The following GPD2 variants were observed in gnomAD, a reference collection of about 807,000 sequenced individuals.
GPD2 encodes glycerol-3-phosphate dehydrogenase, mitochondrial.
GPD2 carries 54 observed loss-of-function variants against 82.4 expected under a neutral mutation model. The observed-to-expected ratio is 0.66, with a 90% CI of 0.53 to 0.82. The LOEUF is 0.82. GPD2 is among the 40% of genes least tolerant of loss of function. The pLI, the probability that GPD2 is intolerant of heterozygous loss-of-function variation, is 0.00. For synonymous variants in GPD2, 288 were observed against 306.1 expected, an observed-to-expected ratio of 0.94 and a Z score of 0.62; for missense variants, 748 against 896.2, an observed-to-expected ratio of 0.83 and a Z score of 2.11.
chr2:156,546,718 G>A (rs1007788111), intron 6 of GPD2, among the ~76,000 whole-genome samples: 2 of 152,146 alleles, frequency 1.3e-5, no homozygotes, highest in African/African-American at 4.8e-5. Flanking sequence ...TCTGGGATAA[G>A]TCCCGAGGGA....
chr2:156,582,143 G>A (rs1574025988), intron 16 of GPD2, among the ~76,000 whole-genome samples: 3 of 152,036 alleles, frequency 2.0e-5, no homozygotes, highest in Admixed American at 2.0e-4. Context: ...GCTCATAATT[G>A]CAAAGTGCCT....
In GPD2 at chr2:156,451,442, G is replaced by C. The variant is rs1441649900; in HGVS notation, c.-9+14929G>C. On this transcript the variant is annotated intron_variant, in intron 1 of 16. Coordinates refer to ENST00000438166, the MANE Select transcript of GPD2 (RefSeq NM_000408.5). ...GGGCTGACCCCCCCACCTCCCTCCC[G>C]GACGGGGCGGCTGGCCGGGCGGGGG... is the stretch of plus-strand genomic sequence containing the variant. Among the ~76,000 whole-genome samples, 9 of 117,850 alleles carry C rather than the reference G, an allele frequency of 7.6e-5. No individual in the cohort carries two copies. The East Asian group carries it at 2.4e-3, about 32-fold the overall frequency. 77.3% of individuals were successfully genotyped at this position (117,850 alleles called of 152,430 possible).
the GPD2 span, among the ~76,000 whole-genome samples, chr2:156,407,142 G>A: frequency 6.6e-6 from 1 of 152,190 alleles, no homozygotes; most frequent in African/African-American, 2.4e-5. Context: ...AACCCAGGAG[G>A]TGGAGGTTGC....
chr2:156,561,221 T>A (rs573482467), intron 9 of GPD2, among the ~76,000 whole-genome samples: 1 of 151,828 alleles, frequency 6.6e-6, no homozygotes, highest in Non-Finnish European at 1.5e-5. Flanking sequence ...CTAATTTTTG[T>A]ATTTTTAGTA....
intron 1 of GPD2, among the ~76,000 whole-genome samples, chr2:156,460,151 A>G (rs1009493031): frequency 6.6e-6 from 1 of 152,212 alleles, no homozygotes; most frequent in Non-Finnish European, 1.5e-5. Context: ...AATTATTTCA[A>G]AATTTATGGT....
In GPD2 at chr2:156,585,802, G is replaced by A. The variant is rs928753524; in HGVS notation, c.*2884G>A. 1 of 152,408 alleles carries A rather than the reference G, an allele frequency of 6.6e-6. No individual in the cohort carries two copies. Among genetic ancestry groups the A allele is most frequent in the Non-Finnish European group, 1.5e-5 (1 of 67,950 alleles). 9.4% of individuals were successfully genotyped at this position (152,408 alleles called of 1,614,324 possible). ...TAAAGTCAATGATGCTATAACTTGC[G>A]ATGTTTGCATCATGTCAACCTTTTT... is the stretch of plus-strand genomic sequence containing the variant. On this transcript the variant is annotated 3_prime_UTR_variant, in exon 17 of 17. Transcript: ENST00000438166.
chr2:156,479,192 T>C (rs1683632737), intron 2 of GPD2, among the ~76,000 whole-genome samples: 1 of 152,238 alleles, frequency 6.6e-6, no homozygotes, highest in Admixed American at 6.5e-5. Context: ...AATTACCTTA[T>C]ATATGTAAAG....
intron 6 of GPD2, among the ~76,000 whole-genome samples, chr2:156,529,435 T>G (rs1186202729): frequency 1.4e-5 from 2 of 140,714 alleles, no homozygotes; most frequent in Non-Finnish European, 3.1e-5. Flanking sequence ...AGAAGCTCTT[T>G]AGTTTAATTA....
chr2:156,569,099 G>C (rs535902622), intron 10 of GPD2, 140 bp downstream of exon 10: 3 of 759,144 alleles, frequency 4.0e-6, no homozygotes, highest in Non-Finnish European at 6.7e-6. Context: ...AAAGTGTTGG[G>C]ATTACAGGCA....
At chr2:156,501,632 A>G (rs555959607) in intron 3 of GPD2, among the ~76,000 whole-genome samples, 1 of 152,338 alleles carries the variant, frequency 6.6e-6, no homozygotes, top group South Asian at 2.1e-4. Context: ...CCATGAAGGT[A>G]GGAGAAAATT....
At chr2:156,465,966 A>G (rs977126151) in intron 1 of GPD2, among the ~76,000 whole-genome samples, 5 of 152,184 alleles carry the variant, frequency 3.3e-5, no homozygotes, top group African/African-American at 1.2e-4. Context: ...GTTAGTTGAT[A>G]TAAATGCAAG....
At chr2:156,517,947 T>C (rs1464145427) in intron 6 of GPD2, among the ~76,000 whole-genome samples, 1 of 152,204 alleles carries the variant, frequency 6.6e-6, no homozygotes, top group Non-Finnish European at 1.5e-5. Context: ...ATTCTTCCTT[T>C]CTGAGAGTCA....
chr2:156,451,716 C>G (rs529512301), intron 1 of GPD2, among the ~76,000 whole-genome samples: 1 of 147,550 alleles, frequency 6.8e-6, no homozygotes, highest in Non-Finnish European at 1.5e-5. Context: ...ACCTCCCTCC[C>G]GGACGGGGCG....
At chr2:156,473,650 A>G (rs934345437) in intron 1 of GPD2, 1 of 152,226 alleles carries the variant, frequency 6.6e-6, no homozygotes, top group African/African-American at 2.4e-5. Context: ...AATAGTAAAT[A>G]GAACTAGGAC....
At chr2:156,530,885 C>T (rs950967681) in intron 6 of GPD2, among the ~76,000 whole-genome samples, 1 of 152,042 alleles carries the variant, frequency 6.6e-6, no homozygotes, top group Admixed American at 6.5e-5. Context: ...AGAGACAGTG[C>T]CTCACTTTGT....
chr2:156,566,991 C>T (rs1318624252), intron 9 of GPD2, among the ~76,000 whole-genome samples: 1 of 151,864 alleles, frequency 6.6e-6, no homozygotes, highest in African/African-American at 2.4e-5. Flanking sequence ...TTTTAATGTG[C>T]TTATTGAGCA....
intron 1 of GPD2, among the ~76,000 whole-genome samples, chr2:156,449,771 G>A (rs1029981548): frequency 6.6e-6 from 1 of 151,686 alleles, no homozygotes; most frequent in Admixed American, 6.6e-5. Context: ...AGCACTTTGG[G>A]AGGCTGAGGC....
At chr2:156,436,767 C>G (rs946557857) in intron 1 of GPD2, among the ~76,000 whole-genome samples, 1 of 152,036 alleles carries the variant, frequency 6.6e-6, no homozygotes, top group African/African-American at 2.4e-5. Flanking sequence ...GGGTTGGTAC[C>G]CCATTGAAAG....
At chr2:156,504,616 A>G (rs1684717501) in intron 3 of GPD2, among the ~76,000 whole-genome samples, 1 of 152,022 alleles carries the variant, frequency 6.6e-6, no homozygotes, top group Non-Finnish European at 1.5e-5. Flanking sequence ...TAAAGATACA[A>G]GGAGTTTAAA....
Sources: allele counts gnomAD v4.1 joint callset (sites outside exome capture counted in the v4.1 genomes callset), GRCh38; gene constraint gnomAD v4.1.1; transcripts MANE v1.5; gene names NCBI Gene and HGNC (gene_info 2026-07-23, HGNC 2026-07-21).